The following TAF4B variants were observed in gnomAD, a reference collection of about 807,000 sequenced individuals.
TAF4B encodes transcription initiation factor TFIID subunit 4B.
TAF4B carries 38 observed loss-of-function variants against 86.4 expected under a neutral mutation model. The ratio of observed to expected loss-of-function variants is 0.44; its 90% confidence interval spans 0.34 to 0.58. The LOEUF is 0.58. TAF4B is among the 20% of genes least tolerant of loss of function. TAF4B has a pLI of 0.02. For missense variants in TAF4B, 988 were observed against 1,027.6 expected, an observed-to-expected ratio of 0.96 and a Z score of 0.53; for synonymous variants, 388 against 391.2, an observed-to-expected ratio of 0.99 and a Z score of 0.10.
chr18:26,255,564 T>TGCACTCCA (rs1345837643), intron 1 of TAF4B: 1 of 575,656 alleles, frequency 1.7e-6, no homozygotes, highest in African/African-American at 2.3e-5. Flanking sequence ...ATCACGCCAC[T>TGCACTCCA]GCACTCCAGC....
intron 14 of TAF4B, among the ~76,000 whole-genome samples, chr18:26,381,172 G>A (rs1299782749): frequency 1.3e-5 from 2 of 151,706 alleles, no homozygotes; most frequent in African/African-American, 4.8e-5. Context: ...ACACCACCAC[G>A]CCTGGCTAAT....
intron 9 of TAF4B, among the ~76,000 whole-genome samples, chr18:26,302,472 TCAAA>T (rs1374718860): frequency 3.4e-5 from 5 of 146,816 alleles, no homozygotes; most frequent in South Asian, 2.2e-4. Flanking sequence ...ATTCCTGGAC[TCAAA>T]CAAGCCTCCA....
chr18:26,262,997 C>A lies in TAF4B; in HGVS notation c.344-2173C>A, dbSNP rs542594353. 3.3e-5 allele frequency among the ~76,000 whole-genome samples: 5 copies of A among 152,072 alleles called. No individual in the cohort carries two copies. In the South Asian group the frequency reaches 1.0e-3, roughly 32 times the overall value. On this transcript the variant is annotated intron_variant, in intron 1 of 14. Transcript: ENST00000269142. Reference sequence around the variant, plus strand: ...ACAGTGTTGTGCTCTGTCACCTAGGCGGAAGTGCAGTGGCACCATCATAGC... The same window carrying A: ...ACAGTGTTGTGCTCTGTCACCTAGGAGGAAGTGCAGTGGCACCATCATAGC...
chr18:26,357,910 T>A, intron 14 of TAF4B, 116 bp downstream of exon 14: 2 of 630,920 alleles, frequency 3.2e-6, no homozygotes, highest in South Asian at 4.1e-5. Flanking sequence ...AGACACTTCT[T>A]AAAATTCATC....
intron 1 of TAF4B, among the ~76,000 whole-genome samples, chr18:26,234,703 C>G (rs2055722594): frequency 6.6e-6 from 1 of 152,204 alleles, no homozygotes; most frequent in African/African-American, 2.4e-5. Flanking sequence ...TGGCGTAAGT[C>G]TGGGTCACAA....
At chr18:26,276,359 A>G (rs184476548) in intron 5 of TAF4B, among the ~76,000 whole-genome samples, 17 of 152,324 alleles carry the variant, frequency 1.1e-4, no homozygotes, top group African/African-American at 3.8e-4. Flanking sequence ...CAAATATTTC[A>G]TATTATATGC....
At chr18:26,331,853 T>G (rs932905601) in intron 12 of TAF4B, among the ~76,000 whole-genome samples, 3 of 152,350 alleles carry the variant, frequency 2.0e-5, no homozygotes, top group Non-Finnish European at 4.4e-5. Flanking sequence ...AGAATAATGT[T>G]TTTATAACAA....
chr18:26,287,249 T>A (rs73946357), intron 7 of TAF4B, among the ~76,000 whole-genome samples: 2,300 of 152,276 alleles, frequency 0.015, 56 homozygotes, highest in African/African-American at 0.053. Flanking sequence ...ACTGTTCCTC[T>A]CGACTTAGAC....
At chr18:26,346,845 GTATATATATA>G (rs1243558379) in intron 13 of TAF4B, among the ~76,000 whole-genome samples, 2 of 13,960 alleles carry the variant, frequency 1.4e-4, no homozygotes, top group African/African-American at 1.4e-4. Flanking sequence ...ATGTGTGTGT[GTATATATATA>G]TATGTGTATA....
At chr18:26,344,972 G>A (rs2057164976) in intron 13 of TAF4B, among the ~76,000 whole-genome samples, 1 of 152,184 alleles carries the variant, frequency 6.6e-6, no homozygotes, top group Non-Finnish European at 1.5e-5. Context: ...GAATAACCCA[G>A]CCAGCCCCTG....
intron 10 of TAF4B, among the ~76,000 whole-genome samples, chr18:26,315,962 G>A (rs533042469): frequency 2.0e-5 from 3 of 152,210 alleles, no homozygotes; most frequent in Admixed American, 6.5e-5. Context: ...TAGCACTTTC[G>A]AAGGCCAAGG....
Position 26,368,120 on chromosome 18 carries a change from A to T in TAF4B, c.2421+10326A>T, listed in dbSNP as rs149392386. 5.5e-3 allele frequency among the ~76,000 whole-genome samples: 843 copies of T among 152,306 alleles called. 1 individual carries two copies. Among genetic ancestry groups the T allele is most frequent in the Non-Finnish European group, 9.0e-3 (611 of 68,024 alleles). On this transcript the variant is annotated intron_variant, in intron 14 of 14. Coordinates refer to ENST00000269142, the MANE Select transcript of TAF4B (RefSeq NM_005640.3). Reference sequence around the variant, plus strand: ...ATGTGAGAAATACTTAGATTATAAAACATTTATTTAAGTATTAAAATCATT... The same window carrying T: ...ATGTGAGAAATACTTAGATTATAAATCATTTATTTAAGTATTAAAATCATT...
chr18:26,262,828 A>G lies in TAF4B; in HGVS notation c.344-2342A>G, dbSNP rs538666718. Reference sequence around the variant, plus strand: ...TTGTTTTATAAAAATAATTTTCACCAGTTATGCCTATTTTACTGGGGAACA... The same window carrying G: ...TTGTTTTATAAAAATAATTTTCACCGGTTATGCCTATTTTACTGGGGAACA... On this transcript the variant is annotated intron_variant, in intron 1 of 14. Coordinates refer to ENST00000269142, the MANE Select transcript of TAF4B (RefSeq NM_005640.3). 1.1e-4 allele frequency among the ~76,000 whole-genome samples: 17 copies of G among 152,260 alleles called. No homozygotes were observed. The East Asian group carries it at 2.5e-3, about 22-fold the overall frequency.
intron 9 of TAF4B, among the ~76,000 whole-genome samples, chr18:26,294,941 T>A (rs2056643334): frequency 6.7e-6 from 1 of 150,314 alleles, no homozygotes; most frequent in Non-Finnish European, 1.5e-5. Context: ...GAGGAAAAAT[T>A]AATGAACTGG....
chr18:26,363,769 G>A (rs140375671), intron 14 of TAF4B, among the ~76,000 whole-genome samples: 12 of 151,976 alleles, frequency 7.9e-5, no homozygotes, highest in African/African-American at 1.7e-4. Context: ...CTTCTTTATC[G>A]ATGGGAACCT....
intron 1 of TAF4B, among the ~76,000 whole-genome samples, chr18:26,250,946 TTTAA>T (rs1428856593): frequency 6.6e-6 from 1 of 152,210 alleles, no homozygotes; most frequent in African/African-American, 2.4e-5. Flanking sequence ...TCTTGATTGC[TTTAA>T]TTTTTTCTTT....
At chr18:26,292,639 C>T (rs543939774) in intron 8 of TAF4B, among the ~76,000 whole-genome samples, 5 of 152,302 alleles carry the variant, frequency 3.3e-5, no homozygotes, top group East Asian at 1.9e-4. Context: ...CTCATGTTCT[C>T]ACCCTCCGGA....
intron 6 of TAF4B, 85 bp from the exon 7 acceptor site, chr18:26,285,793 TTAAG>T: frequency 1.4e-6 from 2 of 1,471,194 alleles, no homozygotes; most frequent in Non-Finnish European, 1.8e-6. Context: ...TTGATTGGTT[TTAAG>T]TTGTAAAGGT....
intron 3 of TAF4B, among the ~76,000 whole-genome samples, chr18:26,270,828 C>T (rs1245815700): frequency 6.8e-6 from 1 of 147,270 alleles, no homozygotes; most frequent in Non-Finnish European, 1.5e-5. Context: ...CTTCAAACTA[C>T]AGAACCATGG....
Sources: gnomAD v4.1 joint callset for allele counts (sites outside exome capture counted in the v4.1 genomes callset) on GRCh38, gnomAD v4.1.1 for gene constraint, MANE v1.5 for transcripts, NCBI Gene and HGNC (gene_info 2026-07-23, HGNC 2026-07-21) for gene names.